The following RPS24 variants were observed in gnomAD, a reference collection of about 807,000 sequenced individuals.
The protein encoded by RPS24 is ribosomal protein S24.
For missense variants in RPS24, 100 were observed against 162.5 expected (o/e 0.62, Z 2.09); for synonymous variants, 72 against 55.6 (o/e 1.30, Z -1.31).
Position 78,035,316 on chromosome 10 carries a change from GAGT to G in RPS24, c.4-32_4-30del, listed in dbSNP as rs759325032. On this transcript the variant is annotated intron_variant, in intron 1 of 5. Coordinates refer to ENST00000372360, the MANE Select transcript of RPS24 (RefSeq NM_033022.4). ...ATCACAGCAAGGCCAAGAAAAGTTGGAGTAGTTTTATTAACCAGAGTGTTTATG... is the reference window on the plus strand; with the variant it reads ...ATCACAGCAAGGCCAAGAAAAGTTGGAGTTTTATTAACCAGAGTGTTTATG... 13 of 1,598,664 alleles carry G rather than the reference GAGT, an allele frequency of 8.1e-6. No homozygotes were observed. In the South Asian group the frequency reaches 1.4e-4, roughly 18 times the overall value.
At chr10:78,048,896 A>AAAAT (rs1554843304) in intron 4 of RPS24, 8 of 150,754 alleles carry the variant, frequency 5.3e-5, no homozygotes, top group African/African-American at 2.0e-4. Flanking sequence ...AAAAAAAAAA[A>AAAAT]TTGCCCAACC....
intron 4 of RPS24, chr10:78,054,396 GGCTCTGACT>G: frequency 1.2e-6 from 1 of 819,066 alleles, no homozygotes; most frequent in Non-Finnish European, 1.9e-6. Flanking sequence ...TTCAAGCTTT[GGCTCTGACT>G]GCTGCTGATC....
Position 78,035,630 on chromosome 10 carries a change from T to C in RPS24, c.189T>C (p.His63=), listed in dbSNP as rs201805132. 224 of 1,611,078 alleles carry C rather than the reference T, an allele frequency of 1.4e-4. No individual in the cohort carries two copies. The Middle Eastern group carries it at 2.5e-3, about 18-fold the overall frequency. Residue 63 remains histidine (H), a synonymous_variant, in exon 3 of 6, where the codon CAT becomes CAC. Coordinates refer to ENST00000372360, the MANE Select transcript of RPS24 (RefSeq NM_033022.4). The part of the protein sequence containing the change: ...DVIFVFGFRT[H]FGGGKTTGFG... ...TCTTTGTATTTGGATTCAGAACTCA[T>C]TTTGGTGGTGGCAAGACAACTGGCT... is the stretch of plus-strand genomic sequence containing the variant.
At chr10:78,054,427 C>T in intron 4 of RPS24, 1 of 1,044,522 alleles carries the variant, frequency 9.6e-7, no homozygotes, top group South Asian at 1.7e-5. Flanking sequence ...TCCCTGGTAC[C>T]AAGTGAGGGA....
chr10:78,043,883 A>G (rs1848014108), downstream of RPS24, among the ~76,000 whole-genome samples: 1 of 152,150 alleles, frequency 6.6e-6, no homozygotes, highest in Non-Finnish European at 1.5e-5. Flanking sequence ...GGGATCACCC[A>G]AAAGTGATGA....
At chr10:78,051,375 T>A (rs1848097227) in intron 4 of RPS24, among the ~76,000 whole-genome samples, 2 of 152,248 alleles carry the variant, frequency 1.3e-5, no homozygotes, top group Non-Finnish European at 2.9e-5. Context: ...ATTCTTTCAC[T>A]CAGCCTAATG....
At chr10:78,038,858 CCGGA>C (rs1267330109) in intron 4 of RPS24, 1 of 151,882 alleles carries the variant, frequency 6.6e-6, no homozygotes, top group Non-Finnish European at 1.5e-5. Flanking sequence ...TCTTGAACTC[CCGGA>C]CTTGAGCAGT....
rs570636753 is a variant in RPS24, at chr10:78,034,811, G to A, written c.4-541G>A. Among the ~76,000 whole-genome samples, 4 of 152,350 alleles carry A rather than the reference G, an allele frequency of 2.6e-5. No homozygotes were observed. The East Asian group carries it at 5.8e-4, about 22-fold the overall frequency. ...CAAGGTTTGGGGCACATTTGTGCAA[G>A]ACATGATAAACACAGTTCATTGAGT... On this transcript the variant is annotated intron_variant, in intron 1 of 5. Transcript: ENST00000372360.
At chr10:78,056,078 C>A (rs1044310589) in exon 5 of RPS24, 1 of 152,658 alleles carries the variant, frequency 6.6e-6, no homozygotes. Flanking sequence ...AGCTTCTTCT[C>A]TCTTTGTAGG....
chr10:78,037,432 A>G, intron 4 of RPS24, 128 bp downstream of exon 4: 2 of 1,416,896 alleles, frequency 1.4e-6, no homozygotes, highest in African/African-American at 1.4e-5. Flanking sequence ...CTTCTTCTGG[A>G]TTACAGAAGG....
chr10:78,054,872 G>A, exon 5 of RPS24: 2 of 1,547,896 alleles, frequency 1.3e-6, no homozygotes, highest in Non-Finnish European at 1.7e-6. Flanking sequence ...TCCTCCACTT[G>A]CCAGAAGCCT....
chr10:78,045,221 C>T (rs908006039), downstream of RPS24, among the ~76,000 whole-genome samples: 6 of 152,006 alleles, frequency 3.9e-5, no homozygotes, highest in Non-Finnish European at 8.8e-5. Context: ...CTCCTGACCT[C>T]AGGTGATCTG....
intron 4 of RPS24, chr10:78,054,462 G>T: frequency 7.3e-7 from 1 of 1,370,634 alleles, no homozygotes; most frequent in African/African-American, 1.5e-5. Context: ...GGCCACAGGC[G>T]CAGAACAGGG....
exon 5 of RPS24, chr10:78,054,682 G>C: frequency 6.4e-7 from 1 of 1,551,742 alleles, no homozygotes; most frequent in Non-Finnish European, 8.7e-7. Context: ...ACATGTGGCA[G>C]ATTGCGGAGG....
chr10:78,035,628 C>T lies in RPS24; in HGVS notation c.187C>T (p.His63Tyr), dbSNP rs1293500678. Residue 63 changes from histidine (H) to tyrosine (Y), a missense_variant, in exon 3 of 6, where the codon CAT becomes TAT. By Grantham distance (83) the His-to-Tyr change is moderately conservative. Transcript: ENST00000372360. ...CATCTTTGTATTTGGATTCAGAACT[C>T]ATTTTGGTGGTGGCAAGACAACTGG... ...DVIFVFGFRT[H>Y]FGGGKTTGFG... is the part of the protein sequence containing the mutation. 3 of 1,611,238 alleles carry T rather than the reference C, an allele frequency of 1.9e-6. No homozygotes were observed. The highest frequency in any genetic ancestry group is 2.5e-6 in the Non-Finnish European group (3 of 1,179,962).
chr10:78,038,106 T>A, intron 4 of RPS24: 1 of 485,308 alleles, frequency 2.1e-6, no homozygotes, highest in Non-Finnish European at 3.4e-6. Context: ...GCCAGTGCTA[T>A]TTAGGCTGGT....
chr10:78,043,467 A>G (rs942839989), downstream of RPS24, among the ~76,000 whole-genome samples: 71 of 152,336 alleles, frequency 4.7e-4, no homozygotes, highest in African/African-American at 1.7e-3. Flanking sequence ...GCACTCCAGT[A>G]TTAAGCTACT....
chr10:78,048,810 G>A (rs1428999813), intron 4 of RPS24, among the ~76,000 whole-genome samples: 1 of 150,090 alleles, frequency 6.7e-6, no homozygotes, highest in Non-Finnish European at 1.5e-5. Flanking sequence ...GGGAGAGGGA[G>A]GTTGCAGTGA....
chr10:78,049,347 C>G (rs1047519945), intron 4 of RPS24: 1 of 152,318 alleles, frequency 6.6e-6, no homozygotes, highest in African/African-American at 2.4e-5. Flanking sequence ...AGAGTTGAAA[C>G]ATCGCCCACT....
Sources: gnomAD v4.1 joint callset for allele counts (sites outside exome capture counted in the v4.1 genomes callset) on GRCh38, gnomAD v4.1.1 for gene constraint, MANE v1.5 for transcripts, NCBI Gene and HGNC (gene_info 2026-07-23, HGNC 2026-07-21) for gene names.